ST6GALNAC3: variants seen among roughly 807,000 people sequenced by gnomAD.
The protein encoded by ST6GALNAC3 is ST6 N-acetylgalactosaminide alpha-2,6-sialyltransferase 3, also known as alpha-N-acetylgalactosaminide alpha-2,6-sialyltransferase 3.
Under a neutral mutation model 32.7 loss-of-function variants are expected in ST6GALNAC3, and 25 were observed. The observed-to-expected ratio is 0.76, with a 90% CI of 0.56 to 1.07. The LOEUF is 1.07. Ranked by LOEUF, ST6GALNAC3 falls within the 50% of genes least tolerant of loss-of-function variation. The pLI is 0.00. For synonymous variants in ST6GALNAC3, 129 were observed against 133.1 expected, an observed-to-expected ratio of 0.97 and a Z score of 0.21; for missense variants, 355 against 382.4, an observed-to-expected ratio of 0.93 and a Z score of 0.60.
chr1:76,342,266 A>G (rs1044548980), intron 2 of ST6GALNAC3, among the ~76,000 whole-genome samples: 1 of 152,146 alleles, frequency 6.6e-6, no homozygotes, highest in Non-Finnish European at 1.5e-5. Flanking sequence ...CTGGTTCTAG[A>G]TTCTTGAGGA....
intron 3 of ST6GALNAC3, among the ~76,000 whole-genome samples, chr1:76,580,375 C>T (rs777810687): frequency 5.3e-5 from 8 of 152,232 alleles, no homozygotes; most frequent in East Asian, 1.9e-4. Context: ...ACTAGGCCTA[C>T]GCTTTCTGTT....
At chr1:76,494,468 T>TATATATATATATACAC (rs1472545640) in intron 3 of ST6GALNAC3, among the ~76,000 whole-genome samples, 5 of 59,524 alleles carry the variant, frequency 8.4e-5, no homozygotes, top group African/African-American at 1.4e-4. Flanking sequence ...TATATATATA[T>TATATATATATATACAC]ACACACACAC....
At chr1:76,361,300 G>A (rs1051204994) in intron 2 of ST6GALNAC3, among the ~76,000 whole-genome samples, 1 of 152,032 alleles carries the variant, frequency 6.6e-6, no homozygotes, top group Non-Finnish European at 1.5e-5. Flanking sequence ...TACTTTAGAT[G>A]CTGCACTACT....
At chr1:76,619,925 TG>T in intron 3 of ST6GALNAC3, among the ~76,000 whole-genome samples, 1 of 152,220 alleles carries the variant, frequency 6.6e-6, no homozygotes, top group Non-Finnish European at 1.5e-5. Flanking sequence ...TACCTCCTGT[TG>T]GAGAAGAAAT....
At chr1:76,143,421 G>GTGTGTGTC (rs924959956) in intron 1 of ST6GALNAC3, among the ~76,000 whole-genome samples, 1 of 151,784 alleles carries the variant, frequency 6.6e-6, no homozygotes, top group African/African-American at 2.4e-5. Context: ...GTGTGTGTGT[G>GTGTGTGTC]TGTCCGTCTG....
rs79938531 is a variant in ST6GALNAC3, at chr1:76,208,326, A to G, written c.19-105479A>G. On this transcript the variant is annotated intron_variant, in intron 1 of 4. Coordinates refer to ENST00000328299, the MANE Select transcript of ST6GALNAC3 (RefSeq NM_152996.4). ...ATGAAAGTGCTTTGCAAATGATGAG[A>G]TGTCACACAAATTTAGCCACTGTTT... Among the ~76,000 whole-genome samples, 701 of 152,368 alleles carry G rather than the reference A, an allele frequency of 4.6e-3. 4 individuals carry two copies. Among genetic ancestry groups the G allele is most frequent in the Middle Eastern group, 0.014 (4 of 294 alleles).
intron 2 of ST6GALNAC3, among the ~76,000 whole-genome samples, chr1:76,329,244 C>T (rs1264505286): frequency 6.6e-6 from 1 of 152,108 alleles, no homozygotes; most frequent in African/African-American, 2.4e-5. Context: ...TTCTTTTGTG[C>T]TTTTAACATA....
rs573623414 is a variant in ST6GALNAC3, at chr1:76,182,875, C to A, written c.18+107991C>A. Among the ~76,000 whole-genome samples, 30 of 151,964 alleles carry A rather than the reference C, an allele frequency of 2.0e-4. No individual in the cohort carries two copies. In the South Asian group the frequency reaches 6.2e-3, roughly 32 times the overall value. ...TTTTACTTCTCATTAGTTTTTACAACCTACGAATTACCTAAAACAACTTTA... is the reference window on the plus strand; with the variant it reads ...TTTTACTTCTCATTAGTTTTTACAAACTACGAATTACCTAAAACAACTTTA... On this transcript the variant is annotated intron_variant, in intron 1 of 4. Transcript: ENST00000328299.
intron 3 of ST6GALNAC3, among the ~76,000 whole-genome samples, chr1:76,471,045 T>C (rs7553137): frequency 0.36 from 54,308 of 151,742 alleles, 15,305 homozygotes; most frequent in African/African-American, 0.8. Context: ...ATTTCTAATA[T>C]TGTCCTACCC....
intron 2 of ST6GALNAC3, among the ~76,000 whole-genome samples, chr1:76,384,134 C>G (rs919274243): frequency 1.3e-5 from 2 of 151,940 alleles, no homozygotes; most frequent in Admixed American, 1.3e-4. Flanking sequence ...TAATTTTAGG[C>G]TACATAAAGA....
rs112217624 is a variant in ST6GALNAC3, at chr1:76,377,460, C to CAGAGAG, written c.214-34536_214-34531dup. 1.2e-3 allele frequency among the ~76,000 whole-genome samples: 180 copies of CAGAGAG among 150,416 alleles called. 1 individual carries two copies. Among genetic ancestry groups the CAGAGAG allele is most frequent in the South Asian group, 8.0e-3 (38 of 4,728 alleles). On this transcript the variant is annotated intron_variant, in intron 2 of 4. Coordinates refer to ENST00000328299, the MANE Select transcript of ST6GALNAC3 (RefSeq NM_152996.4). ...GGGAAGCAAGCACATCTTCACAGGG[C>CAGAGAG]AGAGAGAGAGAGAGAGAAGGGGAAA...
chr1:76,408,154 A>G (rs756656930), intron 2 of ST6GALNAC3, among the ~76,000 whole-genome samples: 10 of 151,984 alleles, frequency 6.6e-5, no homozygotes, highest in Non-Finnish European at 1.3e-4. Context: ...CCTGATTATG[A>G]TTAGGAATGT....
chr1:76,432,600 G>A (rs1254782736), intron 3 of ST6GALNAC3, among the ~76,000 whole-genome samples: 1 of 151,724 alleles, frequency 6.6e-6, no homozygotes, highest in Admixed American at 6.6e-5. Context: ...AAATACAGGC[G>A]TGTGCCACCA....
At chr1:76,241,597 G>C (rs1191885971) in intron 1 of ST6GALNAC3, among the ~76,000 whole-genome samples, 1 of 152,104 alleles carries the variant, frequency 6.6e-6, no homozygotes, top group East Asian at 1.9e-4. Context: ...ATTTCAATAA[G>C]AGATTTGGAT....
intron 2 of ST6GALNAC3, among the ~76,000 whole-genome samples, chr1:76,364,553 A>C (rs1321591938): frequency 6.6e-6 from 1 of 152,088 alleles, no homozygotes; most frequent in African/African-American, 2.4e-5. Flanking sequence ...ACTCCACCTA[A>C]ATAAAATAAA....
chr1:76,111,410 T>C (rs1647927574), intron 1 of ST6GALNAC3, among the ~76,000 whole-genome samples: 1 of 151,396 alleles, frequency 6.6e-6, no homozygotes, highest in South Asian at 2.1e-4. Context: ...GCTGGTCAGG[T>C]GGGAGGTTCC....
At chr1:76,512,312 A>G (rs978690480) in intron 3 of ST6GALNAC3, among the ~76,000 whole-genome samples, 5 of 152,116 alleles carry the variant, frequency 3.3e-5, no homozygotes, top group Non-Finnish European at 7.4e-5. Context: ...TCCTTTTTCT[A>G]TGCATGTATG....
At chr1:76,130,577 G>A (rs1311593943) in intron 1 of ST6GALNAC3, among the ~76,000 whole-genome samples, 1 of 152,196 alleles carries the variant, frequency 6.6e-6, no homozygotes, top group Non-Finnish European at 1.5e-5. Flanking sequence ...TGGGGTCCTG[G>A]CCTGGCTCAG....
intron 1 of ST6GALNAC3, among the ~76,000 whole-genome samples, chr1:76,303,400 A>C (rs774171069): frequency 1.3e-5 from 2 of 151,802 alleles, no homozygotes; most frequent in Admixed American, 6.6e-5. Flanking sequence ...TTTTTCTTTC[A>C]ATTTAGTCCT....
Sources: gnomAD v4.1 joint callset for allele counts (sites outside exome capture counted in the v4.1 genomes callset) on GRCh38, gnomAD v4.1.1 for gene constraint, MANE v1.5 for transcripts, NCBI Gene and HGNC (gene_info 2026-07-23, HGNC 2026-07-21) for gene names.